Variants in TNS3 observed in about 807,000 individuals in gnomAD.
TNS3 encodes tensin-3.
In TNS3, 45 loss-of-function variants were observed where a neutral mutation model predicts 140.9. The observed-to-expected ratio is 0.32, with a 90% confidence interval of 0.25 to 0.41. TNS3 has a LOEUF of 0.41. Ranked by LOEUF, TNS3 falls within the 10% of genes least tolerant of loss-of-function variation. TNS3 has a pLI of 1.00. For synonymous variants in TNS3, 815 were observed against 788.4 expected (o/e 1.03, Z -0.56); for missense variants, 1,716 against 1,906.7 (o/e 0.90, Z 1.86).
intron 4 of TNS3, among the ~76,000 whole-genome samples, chr7:47,467,076 C>T (rs1196157009): frequency 6.6e-6 from 1 of 152,190 alleles, no homozygotes; most frequent in Non-Finnish European, 1.5e-5. Context: ...TAGATAATTA[C>T]ATCTGTGTCC....
intron 20 of TNS3, among the ~76,000 whole-genome samples, chr7:47,316,803 T>C (rs1364462610): frequency 1.3e-5 from 2 of 149,754 alleles, no homozygotes; most frequent in Admixed American, 6.6e-5. Context: ...AAAAAGTCAT[T>C]ATCCTATAAT....
chr7:47,329,495 C>A (rs1012229454), intron 20 of TNS3, among the ~76,000 whole-genome samples: 3 of 152,180 alleles, frequency 2.0e-5, no homozygotes, highest in African/African-American at 7.2e-5. Context: ...ATGCCCTACC[C>A]CAAGAGGGAC....
chr7:47,369,557 C>T lies in TNS3; in HGVS notation c.1089G>A (p.Ser363=), dbSNP rs373042142. 1.1e-5 allele frequency: 18 copies of T among 1,611,658 alleles called. No individual in the cohort carries two copies. The highest frequency in any genetic ancestry group is 3.3e-5 in the Admixed American group (2 of 59,808). ...LYAKVRKKSS[S]DPGIPGGPQA... ...GGGGGCCACCTGGGATGCCAGGATCCGAGGAGCTTTTCTTCCTCACCTTCG... is the reference window on the plus strand; with the variant it reads ...GGGGGCCACCTGGGATGCCAGGATCTGAGGAGCTTTTCTTCCTCACCTTCG... Residue 363 remains serine (S), a synonymous_variant, in exon 17 of 31, where the codon TCG becomes TCA. Transcript: ENST00000311160.
chr7:47,395,959 C>T (rs538144562), intron 16 of TNS3, among the ~76,000 whole-genome samples: 34 of 152,348 alleles, frequency 2.2e-4, no homozygotes, highest in African/African-American at 8.2e-4. Context: ...CACAGACACC[C>T]CCTTCCTGGA....
At chr7:47,402,991 G>A (rs1584577063) in intron 13 of TNS3, among the ~76,000 whole-genome samples, 2 of 152,332 alleles carry the variant, frequency 1.3e-5, no homozygotes, top group East Asian at 3.9e-4. Flanking sequence ...TGTGGGCTCA[G>A]TCCTGGCAGG....
intron 1 of TNS3, among the ~76,000 whole-genome samples, chr7:47,553,314 A>G (rs1226141326): frequency 6.6e-6 from 1 of 152,252 alleles, no homozygotes; most frequent in Non-Finnish European, 1.5e-5. Context: ...TTCTATTAGA[A>G]GATGCCACCT....
At chr7:47,330,246 C>A (rs114339472) in intron 20 of TNS3, among the ~76,000 whole-genome samples, 1 of 152,068 alleles carries the variant, frequency 6.6e-6, no homozygotes, top group Non-Finnish European at 1.5e-5. Context: ...AAATCAGACA[C>A]CTGGAAGAGG....
At chr7:47,368,333 C>G (rs759009786) in intron 17 of TNS3, 32 bp downstream of exon 17, 1 of 1,450,690 alleles carries the variant, frequency 6.9e-7, no homozygotes, top group Non-Finnish European at 9.1e-7. Flanking sequence ...GAGCACCTCC[C>G]GTGGAGCACC....
chr7:47,316,175 C>T (rs895108058), intron 20 of TNS3, among the ~76,000 whole-genome samples: 10 of 147,108 alleles, frequency 6.8e-5, no homozygotes, highest in Non-Finnish European at 1.5e-4. Flanking sequence ...AGTCACATCC[C>T]GGGATTATTA....
At chr7:47,427,547 C>T (rs908529204) in intron 9 of TNS3, among the ~76,000 whole-genome samples, 1 of 152,198 alleles carries the variant, frequency 6.6e-6, no homozygotes. Flanking sequence ...TGCATTTCAG[C>T]GAGAGTGAAG....
At chr7:47,302,113 C>A in intron 23 of TNS3, 73 bp downstream of exon 23, 1 of 1,269,290 alleles carries the variant, frequency 7.9e-7, no homozygotes, top group Non-Finnish European at 1.2e-6. Context: ...CACCGCAGGG[C>A]CCATCTTCAC....
intron 4 of TNS3, among the ~76,000 whole-genome samples, chr7:47,447,585 C>T (rs1047262664): frequency 6.6e-6 from 1 of 152,130 alleles, no homozygotes; most frequent in African/African-American, 2.4e-5. Flanking sequence ...TAGCAATCCA[C>T]GCATGGCACA....
intron 1 of TNS3, chr7:47,539,106 C>A (rs1446506617): frequency 2.2e-6 from 1 of 456,710 alleles, no homozygotes; most frequent in Non-Finnish European, 4.4e-6. Context: ...CCAAAGAAAT[C>A]TGAATTCAGC....
At chr7:47,396,631 G>A in intron 16 of TNS3, 169 bp downstream of exon 16, 2 of 643,702 alleles carry the variant, frequency 3.1e-6, no homozygotes, top group Non-Finnish European at 5.6e-6. Context: ...TTCTCACGAA[G>A]ACCCTCAAAA....
At chr7:47,497,199 A>G (rs948180269) in intron 3 of TNS3, among the ~76,000 whole-genome samples, 1 of 152,222 alleles carries the variant, frequency 6.6e-6, no homozygotes, top group African/African-American at 2.4e-5. Context: ...ATAGTGATTT[A>G]TGCTAGCGGT....
chr7:47,421,646 A>T (rs1328626511), intron 10 of TNS3, among the ~76,000 whole-genome samples: 2 of 152,186 alleles, frequency 1.3e-5, no homozygotes, highest in Non-Finnish European at 2.9e-5. Flanking sequence ...GGGTGCCTCA[A>T]TAACACAATG....
intron 4 of TNS3, among the ~76,000 whole-genome samples, chr7:47,460,614 C>G (rs533200939): frequency 5.3e-5 from 8 of 152,366 alleles, no homozygotes; most frequent in East Asian, 3.9e-4. Flanking sequence ...GGAAGCCAGG[C>G]TGACTGTGAA....
At chr7:47,355,214 G>C (rs750817017) in intron 17 of TNS3, among the ~76,000 whole-genome samples, 1 of 152,192 alleles carries the variant, frequency 6.6e-6, no homozygotes, top group Non-Finnish European at 1.5e-5. Flanking sequence ...TTCACCACAG[G>C]GTGCAAAAGG....
intron 8 of TNS3, among the ~76,000 whole-genome samples, chr7:47,429,131 C>T (rs1794804971): frequency 6.6e-6 from 1 of 152,164 alleles, no homozygotes; most frequent in Non-Finnish European, 1.5e-5. Flanking sequence ...AACTTGTGAG[C>T]TAAGAGTTAG....
Sources: allele counts gnomAD v4.1 joint callset (sites outside exome capture counted in the v4.1 genomes callset), GRCh38; gene constraint gnomAD v4.1.1; transcripts MANE v1.5; gene names NCBI Gene and HGNC (gene_info 2026-07-23, HGNC 2026-07-21).